RGPD1: variants seen among roughly 807,000 people sequenced by gnomAD.
The protein encoded by RGPD1 is RANBP2-like and GRIP domain-containing protein 1.
A neutral mutation model predicts 40.6 loss-of-function variants in RGPD1; 7 were observed. That is an observed-to-expected ratio of 0.17 (90% confidence interval 0.10 to 0.32). The LOEUF (loss-of-function observed/expected upper bound fraction) is 0.32. Ranked by LOEUF, RGPD1 falls within the 10% of genes least tolerant of loss-of-function variation. RGPD1 has a pLI of 1.00. For missense variants in RGPD1, 50 were observed against 472.5 expected (o/e 0.11, Z 8.29); for synonymous variants, 24 against 167.0 (o/e 0.14, Z 6.60).
intron 22 of RGPD1, among the ~76,000 whole-genome samples, chr2:87,007,175 GTTTT>G (rs1344051320): frequency 1.6e-5 from 1 of 64,132 alleles, no homozygotes. Flanking sequence ...TTGTTGTTGG[GTTTT>G]TTAATTTGTT....
chr2:86,945,166 A>G (rs1281515769), intron 1 of RGPD1, among the ~76,000 whole-genome samples: 1 of 152,142 alleles, frequency 6.6e-6, no homozygotes, highest in Non-Finnish European at 1.5e-5. Flanking sequence ...TAACGTCTCC[A>G]TTAAATAAAG....
chr2:86,993,082 TTTA>T (rs1335032266), intron 20 of RGPD1, among the ~76,000 whole-genome samples: 1 of 147,888 alleles, frequency 6.8e-6, no homozygotes, highest in African/African-American at 2.5e-5. Flanking sequence ...ATATTTTCAT[TTTA>T]TTGTGTATCT....
At chr2:86,931,884 A>G (rs1384309885) in intron 1 of RGPD1, among the ~76,000 whole-genome samples, 1 of 148,694 alleles carries the variant, frequency 6.7e-6, no homozygotes, top group East Asian at 1.9e-4. Flanking sequence ...CCATAACTTC[A>G]TTTGGTAGTT....
intron 1 of RGPD1, chr2:86,930,104 C>T (rs112773012): frequency 0.057 from 88,142 of 1,554,856 alleles, 2,599 homozygotes; most frequent in Non-Finnish European, 0.066. Flanking sequence ...AGCTTAATAC[C>T]GGAGTCGCCA....
At chr2:86,939,528 G>A (rs1231993359), upstream of RGPD1, among the ~76,000 whole-genome samples, 3 of 142,602 alleles carry the variant, frequency 2.1e-5, no homozygotes, top group Non-Finnish European at 4.6e-5. Context: ...GCAATGAGCC[G>A]AGATTGCGCC....
At chr2:86,971,136 G>A (rs1172149717) in intron 8 of RGPD1, among the ~76,000 whole-genome samples, 1 of 34,022 alleles carries the variant, frequency 2.9e-5, no homozygotes, top group African/African-American at 2.9e-4. Context: ...CCGGGTTCAC[G>A]CCATTCTCCT....
chr2:86,914,131 G>GGGCGGCGGCGGCGGC (rs1168224704), intron 1 of RGPD1, among the ~76,000 whole-genome samples: 3 of 27,388 alleles, frequency 1.1e-4, no homozygotes, highest in African/African-American at 8.5e-4. Context: ...CGGCCTGGCC[G>GGGCGGCGGCGGCGGC]GGCGGCGGCG....
chr2:86,913,809 G>T (rs750151477), upstream of RGPD1: 6 of 1,524,708 alleles, frequency 3.9e-6, no homozygotes, highest in East Asian at 2.5e-5. Context: ...GCGGGGCTGA[G>T]CGCTGGTTTC....
At position 86,951,873 on chromosome 2, in the gene RGPD1, G is replaced by GTTTTT. The variant is rs71269535; in HGVS notation, c.137+534_137+538dup. ...AGCAGGAAATTAAGAGGGAGGCAGGGTTTTTTTTTTTTTTTTTTTTTTTTT... is the reference window on the plus strand; with the variant it reads ...AGCAGGAAATTAAGAGGGAGGCAGGGTTTTTTTTTTTTTTTTTTTTTTTTTTTTTT... On this transcript the variant is annotated intron_variant, in intron 2 of 22. Transcript: ENST00000641458. Among the ~76,000 whole-genome samples the GTTTTT allele has an allele frequency of 4.4e-3, 222 of 50,928 alleles. 2 individuals are homozygous for GTTTTT. The highest frequency in any genetic ancestry group is 0.014 in the Middle Eastern group (1 of 70). The allele number at this position is 50,928 out of a possible 152,430, so 33.4% of individuals were successfully genotyped here.
chr2:86,931,639 C>T (rs904959103), intron 1 of RGPD1, among the ~76,000 whole-genome samples: 13 of 151,872 alleles, frequency 8.6e-5, no homozygotes, highest in Non-Finnish European at 1.6e-4. Flanking sequence ...TCTAGCTTAA[C>T]ATTATTACTT....
At chr2:86,914,929 G>C (rs1216364794) in intron 1 of RGPD1, among the ~76,000 whole-genome samples, 2 of 112,542 alleles carry the variant, frequency 1.8e-5, no homozygotes, top group East Asian at 2.2e-4. Context: ...GCCTCGACCT[G>C]GCCGGGCGGC....
chr2:86,929,681 C>G (rs1678767974), intron 1 of RGPD1, among the ~76,000 whole-genome samples: 1 of 119,484 alleles, frequency 8.4e-6, no homozygotes, highest in Admixed American at 8.3e-5. Flanking sequence ...GACTCCAGAG[C>G]CCACACTCTT....
At chr2:86,933,213 G>T (rs1679103825) in intron 1 of RGPD1, among the ~76,000 whole-genome samples, 2 of 150,230 alleles carry the variant, frequency 1.3e-5, no homozygotes, top group Admixed American at 1.3e-4. Context: ...ATTCCGAAGT[G>T]GTAGAGTTAA....
chr2:86,919,477 A>G (rs1677980429), intron 1 of RGPD1, among the ~76,000 whole-genome samples: 2 of 117,528 alleles, frequency 1.7e-5, no homozygotes, highest in South Asian at 2.8e-4. Flanking sequence ...ATAAGGTGCC[A>G]TGTGACCTAG....
chr2:86,926,874 C>T (rs1240028937), intron 1 of RGPD1, among the ~76,000 whole-genome samples: 2 of 151,764 alleles, frequency 1.3e-5, no homozygotes, highest in Non-Finnish European at 2.9e-5. Context: ...TATCTTCACT[C>T]TTCATTAAGT....
At chr2:86,941,908 C>T (rs1307848659), upstream of RGPD1, among the ~76,000 whole-genome samples, 6 of 151,972 alleles carry the variant, frequency 3.9e-5, no homozygotes, top group East Asian at 2.0e-4. Flanking sequence ...GATGGGTTTT[C>T]GCCATGTTGG....
chr2:86,914,104 G>A (rs1677602102), intron 1 of RGPD1, among the ~76,000 whole-genome samples: 1 of 110,500 alleles, frequency 9.0e-6, no homozygotes, highest in African/African-American at 3.8e-5. Flanking sequence ...CGGCGGCGGC[G>A]GCGGCGGCCT....
chr2:86,962,536 CAATT>C (rs925261376), intron 6 of RGPD1, among the ~76,000 whole-genome samples: 3 of 95,588 alleles, frequency 3.1e-5, no homozygotes, highest in African/African-American at 6.0e-5. Context: ...AAAAAAAAGA[CAATT>C]TATTTAACGC....
At chr2:86,998,620 AT>A (rs1193961832) in intron 22 of RGPD1, among the ~76,000 whole-genome samples, 1 of 50,402 alleles carries the variant, frequency 2.0e-5, no homozygotes, top group Admixed American at 2.8e-4. Context: ...CTGTGATGTC[AT>A]TAACTTCTTT....
Sources: allele counts gnomAD v4.1 joint callset (sites outside exome capture counted in the v4.1 genomes callset), GRCh38; gene constraint gnomAD v4.1.1; transcripts MANE v1.5; gene names NCBI Gene and HGNC (gene_info 2026-07-23, HGNC 2026-07-21).